The following RALGPS2 variants were observed in gnomAD, a reference collection of about 807,000 sequenced individuals.
The protein encoded by RALGPS2 is ras-specific guanine nucleotide-releasing factor RalGPS2.
RALGPS2 carries 43 observed loss-of-function variants against 86.8 expected under a neutral mutation model. The ratio of observed to expected loss-of-function variants is 0.50; its 90% confidence interval spans 0.39 to 0.64. The LOEUF is 0.64. RALGPS2 is among the 30% of genes least tolerant of loss of function. The probability of loss-of-function intolerance (pLI) is 0.00; values close to 1 mark genes in which losing one functional copy is unlikely to be tolerated. For synonymous variants in RALGPS2, 243 were observed against 231.3 expected (o/e 1.05, Z -0.46); for missense variants, 536 against 694.6 (o/e 0.77, Z 2.57).
chr1:178,730,687 G>T (rs1258825529), intron 1 of RALGPS2, among the ~76,000 whole-genome samples: 7 of 150,068 alleles, frequency 4.7e-5, no homozygotes, highest in Non-Finnish European at 1.0e-4. Context: ...ATGATTCTGA[G>T]AATTCTGTTT....
chr1:178,742,132 CA>C (rs34861793), intron 1 of RALGPS2, among the ~76,000 whole-genome samples: 5,955 of 82,662 alleles, frequency 0.072, 121 homozygotes, highest in South Asian at 0.11. Context: ...AAGATTCCGT[CA>C]AAAAAAAAAA....
At chr1:178,893,245 A>AT (rs11445608) in intron 15 of RALGPS2, among the ~76,000 whole-genome samples, 30,040 of 145,682 alleles carry the variant, frequency 0.21, 4,572 homozygotes, top group African/African-American at 0.44. Context: ...TTATTTTGTG[A>AT]TTTTTTTTTT....
At chr1:178,854,985 A>G (rs1392006582) in intron 8 of RALGPS2, among the ~76,000 whole-genome samples, 3 of 152,152 alleles carry the variant, frequency 2.0e-5, no homozygotes, top group Admixed American at 1.3e-4. Flanking sequence ...TAGAAAAAAG[A>G]ATTACCCTAA....
intron 1 of RALGPS2, among the ~76,000 whole-genome samples, chr1:178,759,547 C>G (rs547816116): frequency 4.3e-4 from 63 of 146,446 alleles, no homozygotes; most frequent in African/African-American, 1.5e-3. Context: ...TTTTTTTTGC[C>G]CAAGATTGCT....
intron 13 of RALGPS2, among the ~76,000 whole-genome samples, chr1:178,886,683 A>T (rs962628510): frequency 7.2e-5 from 11 of 152,284 alleles, no homozygotes; most frequent in Non-Finnish European, 1.5e-4. Flanking sequence ...CTAAAGAGAG[A>T]GTGTACATAA....
At chr1:178,853,674 A>G (rs1657337224) in intron 8 of RALGPS2, 2 of 1,612,898 alleles carry the variant, frequency 1.2e-6, no homozygotes, top group African/African-American at 1.3e-5. Flanking sequence ...CCAGGGTCCA[A>G]ACTGTTTTCA....
chr1:178,868,123 TTA>T (rs1003774192), intron 8 of RALGPS2, among the ~76,000 whole-genome samples: 4 of 152,018 alleles, frequency 2.6e-5, no homozygotes, highest in Non-Finnish European at 5.9e-5. Flanking sequence ...TTTTAGCTTT[TTA>T]TGTTTTCATA....
intron 7 of RALGPS2, among the ~76,000 whole-genome samples, chr1:178,825,042 G>A (rs1655687514): frequency 6.6e-6 from 1 of 152,136 alleles, no homozygotes; most frequent in Non-Finnish European, 1.5e-5. Context: ...TGGAGAGTGT[G>A]AGAGTGTGTT....
intron 1 of RALGPS2, among the ~76,000 whole-genome samples, chr1:178,773,060 CCAAAGTGCTA>C (rs1421351278): frequency 6.6e-6 from 1 of 152,236 alleles, no homozygotes; most frequent in Non-Finnish European, 1.5e-5. Context: ...TCTCAGCTTT[CCAAAGTGCTA>C]GGATTACAGG....
At chr1:178,760,983 T>A (rs12736799) in intron 1 of RALGPS2, among the ~76,000 whole-genome samples, 37,004 of 150,624 alleles carry the variant, frequency 0.25, 4,977 homozygotes, top group Non-Finnish European at 0.32. Context: ...TTTATTCTTT[T>A]TTTTTTTTTT....
chr1:178,881,866 A>G (rs1219591314), intron 10 of RALGPS2, among the ~76,000 whole-genome samples: 1 of 152,154 alleles, frequency 6.6e-6, no homozygotes, highest in African/African-American at 2.4e-5. Context: ...AGAAGAAAAC[A>G]TTTTTTAGAA....
intron 19 of RALGPS2, among the ~76,000 whole-genome samples, chr1:178,909,641 TAA>T (rs368155377): frequency 1.4e-5 from 2 of 139,366 alleles, no homozygotes; most frequent in Admixed American, 7.1e-5. Context: ...TTTTCTTTTT[TAA>T]TTTTTTTTTT....
intron 8 of RALGPS2, among the ~76,000 whole-genome samples, chr1:178,842,937 T>A (rs1156564511): frequency 6.7e-6 from 1 of 149,138 alleles, no homozygotes; most frequent in Admixed American, 6.6e-5. Context: ...GAAATGCAAA[T>A]CAAAACCACT....
chr1:178,806,334 G>T (rs915883542), intron 4 of RALGPS2, among the ~76,000 whole-genome samples: 1 of 152,154 alleles, frequency 6.6e-6, no homozygotes, highest in African/African-American at 2.4e-5. Flanking sequence ...CATTGCTTCA[G>T]TTGTTTTTTA....
intron 7 of RALGPS2, among the ~76,000 whole-genome samples, chr1:178,831,862 G>A (rs1374833885): frequency 6.6e-6 from 1 of 151,976 alleles, no homozygotes; most frequent in Non-Finnish European, 1.5e-5. Context: ...AACTCAGATT[G>A]AATTCTATTT....
At chr1:178,790,568 T>C (rs1653903647) in intron 4 of RALGPS2, among the ~76,000 whole-genome samples, 1 of 152,238 alleles carries the variant, frequency 6.6e-6, no homozygotes, top group Admixed American at 6.5e-5. Context: ...AAATATTTTA[T>C]GTAGATGGTG....
intron 4 of RALGPS2, among the ~76,000 whole-genome samples, chr1:178,794,045 A>G (rs1323834164): frequency 6.6e-6 from 1 of 152,202 alleles, no homozygotes; most frequent in Non-Finnish European, 1.5e-5. Flanking sequence ...TTTCTTATAT[A>G]CATAGTTCTC....
At chr1:178,865,144 C>T in intron 8 of RALGPS2, 1 of 1,599,952 alleles carries the variant, frequency 6.3e-7, no homozygotes, top group Non-Finnish European at 8.5e-7. Flanking sequence ...GTGGGGGAGA[C>T]ACATGGGTGT....
intron 1 of RALGPS2, among the ~76,000 whole-genome samples, chr1:178,732,419 C>T (rs752072648): frequency 1.3e-5 from 2 of 152,138 alleles, no homozygotes; most frequent in East Asian, 1.9e-4. Flanking sequence ...CTGCCTCAGC[C>T]TCCCAAGTAG....
Sources: allele counts gnomAD v4.1 joint callset (sites outside exome capture counted in the v4.1 genomes callset), GRCh38; gene constraint gnomAD v4.1.1; transcripts MANE v1.5; gene names NCBI Gene and HGNC (gene_info 2026-07-23, HGNC 2026-07-21).